The following CTNNA3 variants were observed in gnomAD, a reference collection of about 807,000 sequenced individuals.
CTNNA3 encodes catenin alpha-3.
Under a neutral mutation model 95.7 loss-of-function variants are expected in CTNNA3, and 76 were observed. The observed-to-expected ratio is 0.79, with a 90% CI of 0.66 to 0.96. The LOEUF (loss-of-function observed/expected upper bound fraction) is 0.96. Ranked by LOEUF, CTNNA3 falls within the 40% of genes least tolerant of loss-of-function variation. The pLI, the probability that CTNNA3 is intolerant of heterozygous loss-of-function variation, is 0.00. For synonymous variants in CTNNA3, 431 were observed against 374.4 expected (o/e 1.15, Z -1.74); for missense variants, 1,191 against 1,089.8 (o/e 1.09, Z -1.31).
At chr10:66,652,985 C>T in intron 9 of CTNNA3, among the ~76,000 whole-genome samples, 1 of 151,998 alleles carries the variant, frequency 6.6e-6, no homozygotes, top group East Asian at 1.9e-4. Flanking sequence ...AGGAACATAC[C>T]TTAACACAGT....
chr10:67,510,139 C>T (rs1471300452), intron 5 of CTNNA3, among the ~76,000 whole-genome samples: 1 of 152,094 alleles, frequency 6.6e-6, no homozygotes, highest in Non-Finnish European at 1.5e-5. Flanking sequence ...CTGTAGGTTT[C>T]CTGTTCACTC....
chr10:67,057,457 A>C (rs942733537), intron 7 of CTNNA3, among the ~76,000 whole-genome samples: 1 of 151,262 alleles, frequency 6.6e-6, no homozygotes, highest in African/African-American at 2.4e-5. Context: ...CTACCCTTCT[A>C]CTCTCTGCTT....
rs907879480 is a variant in CTNNA3 at position 67,392,053 on chromosome 10, A to G, written c.579+129789T>C. On this transcript the variant is annotated intron_variant, in intron 5 of 17. Transcript: ENST00000433211. The stretch of plus-strand genomic sequence containing the variant: ...TGGCAACAAAAGACAAAATTGACAA[A>G]TGGGATCTAATTAAACTCAAGAGCT... Among the ~76,000 whole-genome samples, 92 of 152,222 alleles carry G rather than the reference A, an allele frequency of 6.0e-4. 1 individual carries two copies. Among genetic ancestry groups the G allele is most frequent in the Admixed American group, 2.6e-3 (39 of 15,292 alleles).
intron 11 of CTNNA3, among the ~76,000 whole-genome samples, chr10:66,419,237 CA>C (rs1382940072): frequency 1.3e-5 from 2 of 151,084 alleles, no homozygotes; most frequent in Non-Finnish European, 3.0e-5. Flanking sequence ...AATGAAATAG[CA>C]AAAAAAAGAA....
intron 5 of CTNNA3, among the ~76,000 whole-genome samples, chr10:67,302,871 T>C (rs1166460034): frequency 6.6e-6 from 1 of 152,062 alleles, no homozygotes; most frequent in Admixed American, 6.6e-5. Flanking sequence ...ATTAGAATAA[T>C]TGAAAAAGGA....
intron 13 of CTNNA3, among the ~76,000 whole-genome samples, chr10:66,251,748 T>A (rs961231587): frequency 1.3e-5 from 2 of 152,328 alleles, no homozygotes; most frequent in East Asian, 3.9e-4. Flanking sequence ...GCTCAGAAAT[T>A]AGAAATATCA....
chr10:67,126,419 C>A (rs1283006797), intron 7 of CTNNA3, among the ~76,000 whole-genome samples: 1 of 150,524 alleles, frequency 6.6e-6, no homozygotes, highest in Non-Finnish European at 1.5e-5. Flanking sequence ...CCCAGCTACT[C>A]GGGAGACTGA....
chr10:67,070,226 A>C lies in CTNNA3; in HGVS notation c.1047+110091T>G, dbSNP rs1161030849. Reference sequence around the variant, plus strand: ...TGTGAAGTGTCTGTTCAAGACTTTTACTCACTTTTTTATTGGATTGTCTTT... The same window carrying C: ...TGTGAAGTGTCTGTTCAAGACTTTTCCTCACTTTTTTATTGGATTGTCTTT... On this transcript the variant is annotated intron_variant, in intron 7 of 17. Transcript: ENST00000433211. 2.6e-5 allele frequency among the ~76,000 whole-genome samples: 4 copies of C among 151,990 alleles called. 1 individual carries two copies. In the South Asian group the frequency reaches 8.3e-4, roughly 31 times the overall value.
At chr10:67,234,564 TG>T (rs1402400728) in intron 5 of CTNNA3, among the ~76,000 whole-genome samples, 7 of 152,020 alleles carry the variant, frequency 4.6e-5, no homozygotes, top group Non-Finnish European at 1.0e-4. Context: ...TCATACTGAA[TG>T]GGCAAAAACT....
chr10:67,465,261 T>C lies in CTNNA3; in HGVS notation c.579+56581A>G, dbSNP rs530865705. Among the ~76,000 whole-genome samples, 3 of 152,220 alleles carry C rather than the reference T, an allele frequency of 2.0e-5. No individual in the cohort carries two copies. The South Asian group carries it at 6.2e-4, about 32-fold the overall frequency. ...TTTTAAAGTAATTCTGTTACTCTCA[T>C]TCTCCAGTCTAACAACAAAACCATT... On this transcript the variant is annotated intron_variant, in intron 5 of 17. Coordinates refer to ENST00000433211, the MANE Select transcript of CTNNA3 (RefSeq NM_013266.4).
At chr10:66,328,665 A>G (rs1176437148) in intron 12 of CTNNA3, among the ~76,000 whole-genome samples, 1 of 151,682 alleles carries the variant, frequency 6.6e-6, no homozygotes, top group East Asian at 1.9e-4. Flanking sequence ...TTATGTGTAT[A>G]TAAATGAGGA....
chr10:67,717,029 CG>C (rs1176683328), intron 1 of CTNNA3, among the ~76,000 whole-genome samples: 1 of 152,090 alleles, frequency 6.6e-6, no homozygotes, highest in African/African-American at 2.4e-5. Flanking sequence ...TGGTATGAGA[CG>C]GTATCTCATC....
intron 11 of CTNNA3, among the ~76,000 whole-genome samples, chr10:66,465,694 T>C (rs1291331886): frequency 6.6e-6 from 1 of 152,016 alleles, no homozygotes; most frequent in Non-Finnish European, 1.5e-5. Flanking sequence ...CCTGGTGACT[T>C]GCCATCTCCT....
intron 1 of CTNNA3, among the ~76,000 whole-genome samples, chr10:67,713,177 G>GA (rs1564838543): frequency 6.6e-6 from 1 of 152,082 alleles, no homozygotes; most frequent in Non-Finnish European, 1.5e-5. Flanking sequence ...ACAAACAAAT[G>GA]AAAAAAAGCT....
At chr10:67,162,097 TTC>T (rs1197386150) in intron 7 of CTNNA3, among the ~76,000 whole-genome samples, 1 of 152,014 alleles carries the variant, frequency 6.6e-6, no homozygotes, top group African/African-American at 2.4e-5. Flanking sequence ...TTCAACATCC[TTC>T]TCTCAACAAT....
At chr10:66,595,338 T>C (rs1041479153) in intron 10 of CTNNA3, among the ~76,000 whole-genome samples, 2 of 74,576 alleles carry the variant, frequency 2.7e-5, no homozygotes, top group African/African-American at 9.3e-5. Context: ...TTATTTATTA[T>C]TATTATTATT....
intron 7 of CTNNA3, among the ~76,000 whole-genome samples, chr10:67,060,680 C>G (rs1233121417): frequency 3.9e-5 from 6 of 152,072 alleles, no homozygotes; most frequent in African/African-American, 1.2e-4. Flanking sequence ...CTCTCTCTCT[C>G]TCTTCTTCTA....
At chr10:66,890,896 A>G (rs1433031434) in intron 7 of CTNNA3, among the ~76,000 whole-genome samples, 2 of 152,170 alleles carry the variant, frequency 1.3e-5, no homozygotes, top group African/African-American at 4.8e-5. Context: ...AATTCAGAGC[A>G]CAGAGAGAAG....
intron 17 of CTNNA3, among the ~76,000 whole-genome samples, chr10:65,922,960 GC>G (rs1290801861): frequency 6.6e-6 from 1 of 152,016 alleles, no homozygotes; most frequent in Non-Finnish European, 1.5e-5. Context: ...AGGGAAAACT[GC>G]CTTATAAAAC....
Sources: gnomAD v4.1 joint callset for allele counts (sites outside exome capture counted in the v4.1 genomes callset) on GRCh38, gnomAD v4.1.1 for gene constraint, MANE v1.5 for transcripts, NCBI Gene and HGNC (gene_info 2026-07-23, HGNC 2026-07-21) for gene names.